The following CECR2 variants were observed in gnomAD, a reference collection of about 807,000 sequenced individuals.
CECR2 encodes CECR2 histone acetyl-lysine reader, also known as chromatin remodeling regulator CECR2.
CECR2 carries 30 observed loss-of-function variants against 154.5 expected under a neutral mutation model. The observed-to-expected ratio is 0.19, with a 90% CI of 0.15 to 0.26. The LOEUF is 0.26. CECR2 is among the 10% of genes least tolerant of loss of function. The pLI is 1.00. For missense variants in CECR2, 1,743 were observed against 1,829.3 expected (o/e 0.95, Z 0.86); for synonymous variants, 725 against 683.7 (o/e 1.06, Z -0.94).
intron 1 of CECR2, among the ~76,000 whole-genome samples, chr22:17,436,022 C>A (rs910707662): frequency 1.1e-4 from 16 of 152,130 alleles, no homozygotes; most frequent in Non-Finnish European, 2.2e-4. Flanking sequence ...GCAGTGGCAC[C>A]ATCTCAGCTC....
At chr22:17,552,730 C>A in intron 18 of CECR2, 105 bp from the exon 19 acceptor site, 1 of 1,075,640 alleles carries the variant, frequency 9.3e-7, no homozygotes, top group Non-Finnish European at 1.3e-6. Flanking sequence ...AGAATCAAGC[C>A]ATTTTCACAC....
At chr22:17,524,833 C>A in intron 9 of CECR2, 1 of 397,994 alleles carries the variant, frequency 2.5e-6, no homozygotes, top group Non-Finnish European at 5.0e-6. Flanking sequence ...CCACACCCAG[C>A]TAATGTTTGT....
chr22:17,441,607 C>CG lies in CECR2; in HGVS notation c.127-35981_127-35980insG, dbSNP rs199638111. Among the ~76,000 whole-genome samples the CG allele has an allele frequency of 4.1e-3, 572 of 140,178 alleles. 2 individuals are homozygous for CG. The highest frequency in any genetic ancestry group is 0.017 in the African/African-American group (546 of 33,018). 92.0% of individuals were successfully genotyped at this position (140,178 alleles called of 152,430 possible). A position where few individuals can be genotyped will look rare whatever the true frequency, so the allele number is the denominator to read the frequency against. On this transcript the variant is annotated intron_variant, in intron 1 of 18. Transcript: ENST00000262608. ...GTGTCTTACTCTGTGGACCCCACCC[C>CG]CCGTTACTTGAATGAATGAATGAAT...
Position 17,542,461 on chromosome 22 carries a change from T to C in CECR2, c.2318T>C (p.Val773Ala). The change falls in exon 16 of 19, where the codon GTC becomes GCC. Residue 773 changes from valine (V) to alanine (A), a missense_variant. Transcript: ENST00000262608. ...YKYLNRVHSA[V>A]WNGNHGATNQ... is the part of the protein sequence containing the mutation. ...TACCTGAATCGAGTACACTCTGCCG[T>C]CTGGAATGGGAACCATGGTGCTACG... 2 of 1,613,880 alleles carry C rather than the reference T, an allele frequency of 1.2e-6. No homozygotes were observed. Among genetic ancestry groups the C allele is most frequent in the East Asian group, 2.2e-5 (1 of 44,870 alleles).
intron 7 of CECR2, among the ~76,000 whole-genome samples, chr22:17,505,404 T>C (rs1255043374): frequency 6.6e-6 from 1 of 152,126 alleles, no homozygotes; most frequent in Non-Finnish European, 1.5e-5. Flanking sequence ...GCCCTTTGCC[T>C]GGCTCTACCT....
chr22:17,363,970 G>GCC (rs1249621259), intron 1 of CECR2, among the ~76,000 whole-genome samples: 1 of 152,048 alleles, frequency 6.6e-6, no homozygotes, highest in East Asian at 1.9e-4. Context: ...TTGGTGTATA[G>GCC]CCCTCTTTGG....
intron 1 of CECR2, among the ~76,000 whole-genome samples, chr22:17,403,866 A>G (rs1425702540): frequency 6.6e-6 from 1 of 152,138 alleles, no homozygotes; most frequent in Non-Finnish European, 1.5e-5. Flanking sequence ...TCTGTGCTTC[A>G]TTTTGAATTG....
chr22:17,534,263 T>C (rs2146999501), intron 9 of CECR2, among the ~76,000 whole-genome samples: 1 of 152,114 alleles, frequency 6.6e-6, no homozygotes, highest in African/African-American at 2.4e-5. Flanking sequence ...GAGTTCAAGG[T>C]TGCAGTGACC....
intron 9 of CECR2, among the ~76,000 whole-genome samples, chr22:17,528,890 G>GT (rs1348913812): frequency 6.6e-6 from 1 of 152,142 alleles, no homozygotes; most frequent in Non-Finnish European, 1.5e-5. Context: ...AATATTGTGG[G>GT]ATAATAGTGG....
chr22:17,537,809 A>G (rs2056460155), intron 10 of CECR2, among the ~76,000 whole-genome samples: 1 of 152,114 alleles, frequency 6.6e-6, no homozygotes, highest in Non-Finnish European at 1.5e-5. Context: ...CCTGGCCAAT[A>G]TGGTGAAACC....
intron 1 of CECR2, among the ~76,000 whole-genome samples, chr22:17,475,015 C>T (rs1160419846): frequency 3.9e-5 from 6 of 152,082 alleles, no homozygotes; most frequent in Non-Finnish European, 8.8e-5. Flanking sequence ...CCTTTAATCA[C>T]GATCCGATTG....
intron 1 of CECR2, among the ~76,000 whole-genome samples, chr22:17,461,792 CTTTTTTT>C (rs145094879): frequency 8.0e-5 from 11 of 137,188 alleles, no homozygotes; most frequent in South Asian, 4.7e-4. Flanking sequence ...GTACCCGTTA[CTTTTTTT>C]TTTTTTTTTT....
At chr22:17,380,388 A>G (rs2063173100) in intron 1 of CECR2, among the ~76,000 whole-genome samples, 1 of 152,254 alleles carries the variant, frequency 6.6e-6, no homozygotes, top group Non-Finnish European at 1.5e-5. Flanking sequence ...CCCTGACCTC[A>G]TGTGGCCTTT....
At chr22:17,456,804 A>G (rs1478979400) in intron 1 of CECR2, among the ~76,000 whole-genome samples, 1 of 152,230 alleles carries the variant, frequency 6.6e-6, no homozygotes, top group Non-Finnish European at 1.5e-5. Flanking sequence ...ATCTTAGAAT[A>G]AACAGGTAAC....
rs143397074 is a variant in CECR2 at position 17,461,082 on chromosome 22, C to T, written c.127-16506C>T. Among the ~76,000 whole-genome samples, 337 of 152,312 alleles carry T rather than the reference C, an allele frequency of 2.2e-3. 2 individuals carry two copies. The highest frequency in any genetic ancestry group is 7.8e-3 in the African/African-American group (323 of 41,572). On this transcript the variant is annotated intron_variant, in intron 1 of 18. Transcript: ENST00000262608. ...AGCATCAGGGAATCACCCATTACCG[C>T]GATGGGTTTCCCCGGTCGTGCTGCT...
intron 1 of CECR2, chr22:17,419,577 A>C: frequency 3.0e-6 from 1 of 330,040 alleles, no homozygotes; most frequent in Non-Finnish European, 5.8e-6. Context: ...AGAAAAGAAG[A>C]AGAAGAAGAA....
chr22:17,509,884 C>G (rs921727201), intron 7 of CECR2, among the ~76,000 whole-genome samples: 2 of 152,152 alleles, frequency 1.3e-5, no homozygotes, highest in Non-Finnish European at 2.9e-5. Context: ...TTTGATACAT[C>G]TTTGTTGAGG....
chr22:17,531,266 G>C (rs191381427), intron 9 of CECR2, among the ~76,000 whole-genome samples: 2 of 140,766 alleles, frequency 1.4e-5, no homozygotes, highest in Admixed American at 1.4e-4. Flanking sequence ...TGTCAGAGGT[G>C]GGGGGCTGCA....
chr22:17,398,000 C>CT (rs1331168683), intron 1 of CECR2, among the ~76,000 whole-genome samples: 6 of 152,106 alleles, frequency 3.9e-5, no homozygotes, highest in Non-Finnish European at 8.8e-5. Context: ...CTGTCGGCCT[C>CT]TGTACTCTTA....
Sources: gnomAD v4.1 joint callset for allele counts (sites outside exome capture counted in the v4.1 genomes callset) on GRCh38, gnomAD v4.1.1 for gene constraint, MANE v1.5 for transcripts, NCBI Gene and HGNC (gene_info 2026-07-23, HGNC 2026-07-21) for gene names.